Variants in HIGD1C observed in about 807,000 individuals in gnomAD.
HIGD1C encodes the protein HIG1 hypoxia inducible domain family member 1C.
Under a neutral mutation model 13.1 loss-of-function variants are expected in HIGD1C, and 11 were observed. That is an observed-to-expected ratio of 0.84 (90% confidence interval 0.53 to 1.39). The LOEUF is 1.39. HIGD1C is among the 40% of genes most tolerant of loss of function. HIGD1C has a pLI of 0.00. For synonymous variants in HIGD1C, 36 were observed against 37.7 expected, an observed-to-expected ratio of 0.95 and a Z score of 0.17; for missense variants, 110 against 112.0, an observed-to-expected ratio of 0.98 and a Z score of 0.08.
chr12:50,937,160 C>G, the HIGD1C span, among the ~76,000 whole-genome samples: 5 of 152,218 alleles, frequency 3.3e-5, no homozygotes, highest in African/African-American at 1.2e-4. Flanking sequence ...CTTTGCCAGA[C>G]GCAGACCTCC....
chr12:50,965,694 A>T (rs1464344397), intron 2 of HIGD1C, among the ~76,000 whole-genome samples: 3 of 152,182 alleles, frequency 2.0e-5, no homozygotes, highest in African/African-American at 7.2e-5. Flanking sequence ...AGTATGGATT[A>T]GTGTCAATTT....
chr12:50,953,589 C>G (rs765443262), upstream of HIGD1C, among the ~76,000 whole-genome samples: 1 of 152,154 alleles, frequency 6.6e-6, no homozygotes, highest in Non-Finnish European at 1.5e-5. Context: ...GTATTTTTGC[C>G]TATGTTGGCA....
At chr12:50,971,595 C>T (rs957689613), downstream of HIGD1C, among the ~76,000 whole-genome samples, 5 of 152,190 alleles carry the variant, frequency 3.3e-5, no homozygotes, top group African/African-American at 1.2e-4. Context: ...TGGCCTTGGA[C>T]TCCGCTCTAA....
chr12:50,958,533 G>A lies in HIGD1C; in HGVS notation c.95-2435G>A, dbSNP rs191422006. 2.4e-3 allele frequency among the ~76,000 whole-genome samples: 358 copies of A among 151,494 alleles called. 1 individual carries two copies. The highest frequency in any genetic ancestry group is 8.0e-3 in the African/African-American group (329 of 41,362). ...CCTGACCTCGTGATCCGCCCGCCTC[G>A]GCCTCCCAAAGTGCTGGGATTACAG... is the stretch of plus-strand genomic sequence containing the variant. On this transcript the variant is annotated intron_variant, in intron 1 of 2. Coordinates refer to ENST00000398455, the Ensembl canonical transcript of HIGD1C.
At chr12:50,967,309 C>G (rs531527416) in intron 2 of HIGD1C, among the ~76,000 whole-genome samples, 1 of 152,004 alleles carries the variant, frequency 6.6e-6, no homozygotes, top group Non-Finnish European at 1.5e-5. Context: ...TCATGTCTGG[C>G]TAATTTTAAA....
At chr12:50,935,290 G>A in the HIGD1C span, 1 of 152,172 alleles carries the variant, frequency 6.6e-6, no homozygotes, top group Admixed American at 6.5e-5. Flanking sequence ...ATTCCCTGTT[G>A]AACTGTGGAG....
chr12:50,963,683 A>G (rs989077045), intron 2 of HIGD1C, among the ~76,000 whole-genome samples: 1 of 152,198 alleles, frequency 6.6e-6, no homozygotes, highest in Admixed American at 6.5e-5. Flanking sequence ...CAGAGAAGCA[A>G]AACTGTACCG....
At chr12:50,956,485 G>A (rs1191891881) in intron 1 of HIGD1C, among the ~76,000 whole-genome samples, 6 of 152,184 alleles carry the variant, frequency 3.9e-5, no homozygotes, top group African/African-American at 1.2e-4. Flanking sequence ...ACAGGATGGA[G>A]GGTCCTATGC....
At chr12:50,961,171 ATAG>A in intron 2 of HIGD1C, 69 bp downstream of exon 4, 14 of 1,459,806 alleles carry the variant, frequency 9.6e-6, no homozygotes, top group Non-Finnish European at 1.3e-5. Context: ...TTATTCATTC[ATAG>A]TAGAAGATGA....
chr12:50,965,253 A>G (rs528379121), intron 2 of HIGD1C, among the ~76,000 whole-genome samples: 2 of 151,164 alleles, frequency 1.3e-5, no homozygotes, highest in Admixed American at 6.6e-5. Flanking sequence ...AGCTGGGACT[A>G]CACGTGTGCA....
chr12:50,972,153 G>C (rs1450365813), downstream of HIGD1C, among the ~76,000 whole-genome samples: 2 of 152,156 alleles, frequency 1.3e-5, no homozygotes, highest in Non-Finnish European at 2.9e-5. Context: ...CTTTCATGTT[G>C]GTTGTGCAAT....
chr12:50,957,321 G>A (rs557848813), intron 1 of HIGD1C, among the ~76,000 whole-genome samples: 9 of 151,058 alleles, frequency 6.0e-5, no homozygotes, highest in Non-Finnish European at 7.4e-5. Flanking sequence ...AGCGATTCTC[G>A]TGCTTCAGCT....
intron 2 of HIGD1C, among the ~76,000 whole-genome samples, chr12:50,969,763 C>T (rs1592273833): frequency 1.3e-5 from 2 of 151,694 alleles, no homozygotes; most frequent in Admixed American, 1.3e-4. Context: ...GGGTTTCACA[C>T]TCAGAAGAGG....
At chr12:50,931,333 G>GAATT in the HIGD1C span, 1 of 151,930 alleles carries the variant, frequency 6.6e-6, no homozygotes, top group Admixed American at 6.6e-5. Flanking sequence ...TTTATTGATT[G>GAATT]AATTAAGAAA....
chr12:50,965,106 T>G (rs1460215314), intron 2 of HIGD1C, among the ~76,000 whole-genome samples: 1 of 152,008 alleles, frequency 6.6e-6, no homozygotes, highest in Non-Finnish European at 1.5e-5. Context: ...GTTTTATGTT[T>G]GTGGGTTTTT....
chr12:50,933,523 T>C, the HIGD1C span, among the ~76,000 whole-genome samples: 1 of 152,346 alleles, frequency 6.6e-6, no homozygotes, highest in East Asian at 1.9e-4. Context: ...GATAATGTTA[T>C]CAGGAGCCAG....
intron 2 of HIGD1C, among the ~76,000 whole-genome samples, 177 bp downstream of exon 4, chr12:50,961,279 GA>G (rs1168367975): frequency 6.6e-6 from 1 of 152,142 alleles, no homozygotes; most frequent in African/African-American, 2.4e-5. Context: ...AATTTTTTAT[GA>G]ATGCAGCTGA....
intron 1 of HIGD1C, among the ~76,000 whole-genome samples, chr12:50,956,686 G>A (rs1439910534): frequency 1.3e-5 from 2 of 152,094 alleles, no homozygotes; most frequent in Admixed American, 6.6e-5. Context: ...GCATTTCTGT[G>A]TATTAATACT....
chr12:50,972,526 C>T (rs186404681), downstream of HIGD1C, among the ~76,000 whole-genome samples: 560 of 152,260 alleles, frequency 3.7e-3, 6 homozygotes, highest in African/African-American at 0.013. Context: ...CCAAGATGGC[C>T]GAATAGGAAC....
Sources: gnomAD v4.1 joint callset for allele counts (sites outside exome capture counted in the v4.1 genomes callset) on GRCh38, gnomAD v4.1.1 for gene constraint, MANE v1.5 for transcripts, NCBI Gene and HGNC (gene_info 2026-07-23, HGNC 2026-07-21) for gene names.